BABAM2: variants seen among roughly 807,000 people sequenced by gnomAD.
BABAM2 encodes the protein BRISC and BRCA1 A complex member 2, also known as BRISC and BRCA1-A complex member 2.
A neutral mutation model predicts 54.7 loss-of-function variants in BABAM2; 31 were observed. The ratio of observed to expected loss-of-function variants is 0.57; its 90% CI spans 0.43 to 0.77. BABAM2 has a LOEUF of 0.77. Among genes scored for constraint, BABAM2 ranks in the 30% least tolerant of loss-of-function variants. BABAM2 has a pLI of 0.00. For synonymous variants in BABAM2, 167 were observed against 162.9 expected (o/e 1.03, Z -0.19); for missense variants, 364 against 455.8 (o/e 0.80, Z 1.83).
chr2:28,226,476 A>C (rs1332236744), intron 7 of BABAM2, among the ~76,000 whole-genome samples: 1 of 152,206 alleles, frequency 6.6e-6, no homozygotes, highest in Non-Finnish European at 1.5e-5. Flanking sequence ...TGAGGTTATA[A>C]AAGTGAACAA....
chr2:27,955,019 A>AG (rs1298686100), intron 3 of BABAM2, among the ~76,000 whole-genome samples: 1 of 152,178 alleles, frequency 6.6e-6, no homozygotes, highest in Non-Finnish European at 1.5e-5. Flanking sequence ...TGGTTCAGGC[A>AG]GGGGGCAGTA....
At chr2:28,285,282 G>A (rs557223376) in intron 10 of BABAM2, among the ~76,000 whole-genome samples, 3 of 152,182 alleles carry the variant, frequency 2.0e-5, no homozygotes, top group South Asian at 2.1e-4. Context: ...TGCCCACCTC[G>A]AGTACACATG....
chr2:27,925,326 T>G (rs1484364731), intron 2 of BABAM2, among the ~76,000 whole-genome samples: 6 of 152,194 alleles, frequency 3.9e-5, no homozygotes, highest in Admixed American at 2.0e-4. Context: ...CTCCATTTCC[T>G]TTTCCCTAAA....
chr2:28,009,211 A>G (rs1421066594), intron 4 of BABAM2, among the ~76,000 whole-genome samples: 1 of 152,086 alleles, frequency 6.6e-6, no homozygotes, highest in African/African-American at 2.4e-5. Flanking sequence ...AGCAGGTCTC[A>G]CCCCAGGCAT....
At chr2:28,028,439 A>G (rs1053269048) in intron 5 of BABAM2, among the ~76,000 whole-genome samples, 9 of 151,900 alleles carry the variant, frequency 5.9e-5, no homozygotes, top group Non-Finnish European at 8.8e-5. Context: ...TTACATAGGA[A>G]TGTGAATACC....
chr2:28,192,817 CG>C (rs1390811605), intron 7 of BABAM2, among the ~76,000 whole-genome samples: 2 of 151,942 alleles, frequency 1.3e-5, no homozygotes, highest in East Asian at 3.9e-4. Flanking sequence ...CCACCACGCC[CG>C]GCCTATAGCT....
chr2:28,066,163 CA>C (rs529409715), intron 6 of BABAM2, among the ~76,000 whole-genome samples: 24 of 127,574 alleles, frequency 1.9e-4, no homozygotes, highest in African/African-American at 4.5e-4. Context: ...CATCTCATCT[CA>C]AAAAAAAAAT....
chr2:28,015,999 T>C (rs1166172134), intron 4 of BABAM2: 2 of 602,674 alleles, frequency 3.3e-6, no homozygotes, highest in East Asian at 8.8e-5. Context: ...TTGCATCTTT[T>C]GACTTCTTTT....
At position 28,325,323 on chromosome 2, in the gene BABAM2, A is replaced by T. The variant is rs1275264330; in HGVS notation, c.1089-13127A>T. Among the ~76,000 whole-genome samples the T allele has an allele frequency of 6.6e-6, 1 of 152,170 alleles. No homozygotes were observed. Among genetic ancestry groups the T allele is most frequent in the Non-Finnish European group, 1.5e-5 (1 of 68,036 alleles). The stretch of plus-strand genomic sequence containing the variant: ...CAGTGTGGAGTGATCCCTGCAGCCC[A>T]GCAGAGCAGATGCATCTCCTCCTCC... On this transcript the variant is annotated intron_variant, in intron 11 of 11. Coordinates refer to ENST00000379624, the MANE Select transcript of BABAM2 (RefSeq NM_199191.3). The surrounding 1 kb of genome is among the most constrained non-coding windows in gnomAD (Gnocchi z 4.3).
At chr2:28,007,722 T>C (rs2148524568) in intron 4 of BABAM2, among the ~76,000 whole-genome samples, 2 of 152,308 alleles carry the variant, frequency 1.3e-5, no homozygotes. Flanking sequence ...CTATTTTTAC[T>C]TTCTTATTTT....
intron 7 of BABAM2, among the ~76,000 whole-genome samples, chr2:28,185,965 T>C (rs1676237152): frequency 6.6e-6 from 1 of 152,182 alleles, no homozygotes; most frequent in Non-Finnish European, 1.5e-5. Context: ...AGATCACAGA[T>C]TTCTTTCTTT....
chr2:28,266,141 C>T (rs113006076), intron 10 of BABAM2, among the ~76,000 whole-genome samples: 13,042 of 152,116 alleles, frequency 0.086, 718 homozygotes, highest in African/African-American at 0.15. Flanking sequence ...CACACCACCA[C>T]GCTCGGCTAA....
intron 7 of BABAM2, among the ~76,000 whole-genome samples, chr2:28,163,200 C>T (rs1673277010): frequency 6.6e-6 from 1 of 152,140 alleles, no homozygotes; most frequent in Non-Finnish European, 1.5e-5. Context: ...CCGGCAGCCA[C>T]CCTGCTTCCC....
chr2:28,031,925 A>G lies in BABAM2; in HGVS notation c.495+6505A>G, dbSNP rs151160249. 2.0e-5 allele frequency among the ~76,000 whole-genome samples: 3 copies of G among 152,340 alleles called. No homozygotes were observed. In the East Asian group the frequency reaches 5.8e-4, roughly 29 times the overall value. On this transcript the variant is annotated intron_variant, in intron 5 of 11. Transcript: ENST00000379624. ...GCTTACTGATCAGTAAAACACATCT[A>G]TTATGTCTTAGTGGCATTTTGCAGC... is the stretch of plus-strand genomic sequence containing the variant.
chr2:28,026,843 A>ATATATATATTTATATATATAGAT (rs1675759919), intron 5 of BABAM2, among the ~76,000 whole-genome samples: 1 of 40,650 alleles, frequency 2.5e-5, no homozygotes, highest in Non-Finnish European at 4.7e-5. Context: ...AATATATATA[A>ATATATATATTTATATATATAGAT]ATATATATTT....
At chr2:28,210,785 C>T (rs545572262) in intron 7 of BABAM2, among the ~76,000 whole-genome samples, 1 of 152,180 alleles carries the variant, frequency 6.6e-6, no homozygotes, top group Admixed American at 6.5e-5. Flanking sequence ...TTGGCCAGTC[C>T]CTTAAAAATG....
chr2:27,952,623 A>G (rs1189062793), intron 3 of BABAM2, among the ~76,000 whole-genome samples: 1 of 152,142 alleles, frequency 6.6e-6, no homozygotes, highest in Non-Finnish European at 1.5e-5. Flanking sequence ...AACTGTTCTC[A>G]TCTCTGGGAT....
intron 4 of BABAM2, among the ~76,000 whole-genome samples, chr2:28,001,017 G>A (rs911501591): frequency 6.6e-6 from 1 of 152,160 alleles, no homozygotes; most frequent in Non-Finnish European, 1.5e-5. Context: ...TTTTATTGGA[G>A]AAAGGTCTTA....
chr2:28,304,004 C>A lies in BABAM2; in HGVS notation c.1088+5513C>A, dbSNP rs1033186233. Among the ~76,000 whole-genome samples, 2 of 152,134 alleles carry A rather than the reference C, an allele frequency of 1.3e-5. No homozygotes were observed. The highest frequency in any genetic ancestry group is 4.8e-5 in the African/African-American group (2 of 41,434). On this transcript the variant is annotated intron_variant, in intron 11 of 11. Transcript: ENST00000379624. This position sits in a 1 kb window ranked among gnomAD's most constrained non-coding sequence, Gnocchi z 4.0. Reference sequence around the variant, plus strand: ...CAAAAGATTCTTGTGCCTCAGCCTCCTGAGTACCCAGGACTACAGACGTGT... The same window carrying A: ...CAAAAGATTCTTGTGCCTCAGCCTCATGAGTACCCAGGACTACAGACGTGT...
Sources: allele counts gnomAD v4.1 joint callset (sites outside exome capture counted in the v4.1 genomes callset), GRCh38; gene constraint gnomAD v4.1.1; non-coding constraint Gnocchi (gnomAD v3.1); transcripts MANE v1.5; gene names NCBI Gene and HGNC (gene_info 2026-07-23, HGNC 2026-07-21).